The following ZNF726 variants were observed in gnomAD, a reference collection of about 807,000 sequenced individuals.
The protein encoded by ZNF726 is zinc finger protein 92 pseudogene 3.
In ZNF726, 15 loss-of-function variants were observed where a neutral mutation model predicts 11.6. That is an observed-to-expected ratio of 1.29 (90% CI 0.86 to 1.99). The LOEUF (loss-of-function observed/expected upper bound fraction) is 1.99. Ranked by LOEUF, ZNF726 falls within the 30% of genes most tolerant of loss-of-function variation. ZNF726 has a pLI of 0.00. For synonymous variants in ZNF726, 295 were observed against 243.6 expected, an observed-to-expected ratio of 1.21 and a Z score of -1.96; for missense variants, 890 against 725.6, an observed-to-expected ratio of 1.23 and a Z score of -2.60.
At chr19:23,925,860 G>T (rs1053353497) in intron 3 of ZNF726, among the ~76,000 whole-genome samples, 11 of 151,454 alleles carry the variant, frequency 7.3e-5, no homozygotes, top group Non-Finnish European at 1.3e-4. Context: ...GAAATAACAG[G>T]CGTGTGCCAC....
At chr19:23,942,484 CG>C (rs1968353665) in intron 3 of ZNF726, among the ~76,000 whole-genome samples, 1 of 152,048 alleles carries the variant, frequency 6.6e-6, no homozygotes, top group South Asian at 2.1e-4. Context: ...TCATGTGTTC[CG>C]GGGTATAGTT....
downstream of ZNF726, chr19:23,935,395 G>C (rs753182520): frequency 1.9e-6 from 1 of 524,396 alleles, no homozygotes; most frequent in South Asian, 1.4e-5. Context: ...GAAAAAATTG[G>C]CAAAGCCTTT....
At chr19:23,935,103 G>A (rs1968205566), downstream of ZNF726, 2 of 356,522 alleles carry the variant, frequency 5.6e-6, no homozygotes, top group East Asian at 7.4e-5. Flanking sequence ...CTGCCCAGGG[G>A]CAAGGCTGGT....
intron 1 of ZNF726, 102 bp from the exon 2 acceptor site, chr19:23,919,271 G>A (rs1568374103): frequency 6.5e-7 from 1 of 1,532,068 alleles, no homozygotes; most frequent in Non-Finnish European, 8.8e-7. Flanking sequence ...CCTCTTATAA[G>A]TTAGAATCAA....
chr19:23,932,319 T>C (rs571172554), intron 3 of ZNF726, 24 bp from the exon 4 acceptor site: 1 of 1,308,482 alleles, frequency 7.6e-7, no homozygotes, highest in Admixed American at 3.6e-5. Flanking sequence ...GTAAGTGGAG[T>C]AAATTATTTT....
chr19:23,929,311 T>C (rs1968054768), intron 3 of ZNF726: 1 of 152,216 alleles, frequency 6.6e-6, no homozygotes, highest in African/African-American at 2.4e-5. Context: ...TCTGTTTTTA[T>C]GCTGCTAATG....
intron 1 of ZNF726, among the ~76,000 whole-genome samples, chr19:23,918,387 C>A (rs912804816): frequency 6.6e-6 from 1 of 152,096 alleles, no homozygotes; most frequent in African/African-American, 2.4e-5. Context: ...AAAAAACTGT[C>A]GGGAGATACC....
chr19:23,919,526 T>G (rs1363666038), intron 2 of ZNF726, 27 bp downstream of exon 2: 1 of 1,555,924 alleles, frequency 6.4e-7, no homozygotes, highest in Non-Finnish European at 8.6e-7. Context: ...TACAAAATTT[T>G]TAATATAAAC....
At chr19:23,931,165 G>A (rs1334005620) in intron 3 of ZNF726, among the ~76,000 whole-genome samples, 7 of 152,084 alleles carry the variant, frequency 4.6e-5, no homozygotes, top group African/African-American at 1.7e-4. Context: ...GTAGAGATGG[G>A]GTTTCACCCT....
chr19:23,914,924 C>T lies in ZNF726; in HGVS notation c.-71C>T. ...GCCGGAGCTCCAGGTCTCGTCCTCA[C>T]TACTCTGTGTCTTCTGCTTTTAGGG... On this transcript the variant is annotated 5_prime_UTR_variant, in exon 1 of 4. Coordinates refer to ENST00000594466, the MANE Select transcript of ZNF726 (RefSeq NM_001244038.2). The T allele has an allele frequency of 5.6e-6, 9 of 1,609,244 alleles. No individual in the cohort carries two copies. In the Middle Eastern group the frequency reaches 5.0e-4, roughly 89 times the overall value.
In ZNF726 at chr19:23,915,718, C is replaced by G. The variant is rs575554571; in HGVS notation, c.3+721C>G. Among the ~76,000 whole-genome samples the G allele has an allele frequency of 1.0e-3, 155 of 152,064 alleles. 2 individuals carry two copies. Among genetic ancestry groups the G allele is most frequent in the South Asian group, 2.7e-3 (13 of 4,812 alleles). ...GCCTCAGCCTCCCTAGTAGTTGGGACTACAGGCGCCTGCCACCACATTTGG... is the reference window on the plus strand; with the variant it reads ...GCCTCAGCCTCCCTAGTAGTTGGGAGTACAGGCGCCTGCCACCACATTTGG... On this transcript the variant is annotated intron_variant, in intron 1 of 3. Coordinates refer to ENST00000594466, the MANE Select transcript of ZNF726 (RefSeq NM_001244038.2).
intron 3 of ZNF726, among the ~76,000 whole-genome samples, chr19:23,939,584 T>C (rs1328599412): frequency 6.6e-6 from 1 of 152,220 alleles, no homozygotes; most frequent in Non-Finnish European, 1.5e-5. Flanking sequence ...TTTTAGTTCA[T>C]TAAGGAATCT....
chr19:23,930,740 A>G (rs1007054704), intron 3 of ZNF726, among the ~76,000 whole-genome samples: 2 of 152,144 alleles, frequency 1.3e-5, no homozygotes, highest in African/African-American at 4.8e-5. Flanking sequence ...TTTGTGTGGT[A>G]GAAACATTTT....
In ZNF726 at chr19:23,933,687, T is replaced by C. The variant is rs1968171622; in HGVS notation, c.1571T>C (p.Leu524Pro). The change falls in exon 4 of 4, where the codon CTA becomes CCA. Residue 524 changes from leucine (L) to proline (P), a missense_variant. Leu to Pro is a moderately conservative substitution (Grantham distance 98). Transcript: ENST00000594466. The part of the protein sequence containing the change: ...CGKAFILSST[L>P]SKHKRIHTGE... ...AAAGCATTTATATTGTCCTCGACCC[T>C]ATCTAAACATAAGAGGATTCACACT... The C allele has an allele frequency of 1.9e-6, 3 of 1,612,354 alleles. No homozygotes were observed. The highest frequency in any genetic ancestry group is 2.5e-6 in the Non-Finnish European group (3 of 1,179,972).
chr19:23,915,641 C>T (rs1267103154), intron 1 of ZNF726, among the ~76,000 whole-genome samples: 1 of 151,694 alleles, frequency 6.6e-6, no homozygotes, highest in Non-Finnish European at 1.5e-5. Flanking sequence ...AGTGCAGTTT[C>T]GTGATCTCGG....
chr19:23,938,084 A>G (rs1251886508), downstream of ZNF726, among the ~76,000 whole-genome samples: 1 of 152,172 alleles, frequency 6.6e-6, no homozygotes, highest in Non-Finnish European at 1.5e-5. Flanking sequence ...ACAATACACT[A>G]TTTGGTAAGA....
downstream of ZNF726, among the ~76,000 whole-genome samples, chr19:23,937,009 G>GCTC (rs1968245272): frequency 6.6e-6 from 1 of 151,714 alleles, no homozygotes; most frequent in Non-Finnish European, 1.5e-5. Flanking sequence ...GGGCAGAGGG[G>GCTC]CTCCTCACTT....
In ZNF726 at chr19:23,926,502, C is replaced by T. The variant is rs571208857; in HGVS notation, c.227-5841C>T. On this transcript the variant is annotated intron_variant, in intron 3 of 3. Transcript: ENST00000594466. The stretch of plus-strand genomic sequence containing the variant: ...CCAGGAGGCGGAGGTTGTAGTGAGC[C>T]GAGACCATGCCACTGCACTCCACCT... Among the ~76,000 whole-genome samples, 286 of 149,182 alleles carry T rather than the reference C, an allele frequency of 1.9e-3. 1 individual carries two copies. The highest frequency in any genetic ancestry group is 6.8e-3 in the African/African-American group (277 of 40,450).
chr19:23,935,750 A>G (rs1968219822), downstream of ZNF726: 1 of 189,092 alleles, frequency 5.3e-6, no homozygotes, highest in Admixed American at 5.6e-5. Flanking sequence ...CTCATAGCTT[A>G]TTGCACCGGT....
Sources: allele counts gnomAD v4.1 joint callset (sites outside exome capture counted in the v4.1 genomes callset), GRCh38; gene constraint gnomAD v4.1.1; transcripts MANE v1.5; gene names NCBI Gene and HGNC (gene_info 2026-07-23, HGNC 2026-07-21).